DNAH8: variants seen among roughly 807,000 people sequenced by gnomAD.
The protein encoded by DNAH8 is dynein axonemal heavy chain 8, also known as axonemal beta dynein heavy chain 8.
In DNAH8, 382 loss-of-function variants were observed where a neutral mutation model predicts 562.1. The observed-to-expected ratio is 0.68, with a 90% CI of 0.63 to 0.74. The LOEUF (loss-of-function observed/expected upper bound fraction) is 0.74, where lower values mean the gene tolerates loss of function less well. Among genes scored for constraint, DNAH8 ranks in the 30% least tolerant of loss-of-function variants. The pLI, the probability that DNAH8 is intolerant of heterozygous loss-of-function variation, is 0.00. For missense variants in DNAH8, 5,203 were observed against 5,620.4 expected (o/e 0.93, Z 2.37); for synonymous variants, 1,881 against 1,919.4 (o/e 0.98, Z 0.52).
intron 41 of DNAH8, 132 bp from the exon 42 acceptor site, chr6:38,857,386 C>T (rs953857138): frequency 3.2e-6 from 2 of 627,342 alleles, no homozygotes; most frequent in Non-Finnish European, 5.7e-6. Context: ...AACTGTTTCC[C>T]TCCTTTGGGA....
Position 38,924,017 on chromosome 6 carries a change from C to A in DNAH8, c.10817C>A (p.Thr3606Lys). The A allele has an allele frequency of 6.2e-7, 1 of 1,613,942 alleles. No homozygotes were observed. Among genetic ancestry groups the A allele is most frequent in the Non-Finnish European group, 8.5e-7 (1 of 1,179,890 alleles). The change falls in exon 73 of 93, where the codon ACG becomes AAG. Residue 3606 changes from threonine to lysine, a missense_variant. Around this residue, in one of 6 missense-constraint regions of DNAH8, gnomAD observed 1,399 missense variants for 1,518.4 expected, o/e 0.92. Coordinates refer to ENST00000327475, the MANE Select transcript of DNAH8 (RefSeq NM_001206927.2). The part of the protein sequence containing the change: ...NRLVGDILLC[T>K]GFLSYLGPFN... ...CTTGTAGGTGATATTCTGCTGTGCA[C>A]GGGATTCCTTTCCTACCTTGGTCCT... is the stretch of plus-strand genomic sequence containing the variant.
intron 85 of DNAH8, 53 bp from the exon 86 acceptor site, chr6:38,982,293 A>G (rs1764085916): frequency 5.2e-6 from 4 of 761,910 alleles, no homozygotes; most frequent in South Asian, 4.7e-5. Context: ...TTTGATAGCA[A>G]TAAAAATGGA....
Position 38,729,936 on chromosome 6 carries a change from G to A in DNAH8, c.560G>A (p.Gly187Asp). Reference protein sequence around the residue: ...EAFTNFFAKDGCKTLKFLYQE... With the variant: ...EAFTNFFAKDDCKTLKFLYQE... ...TTTACTAATTTTTTTGCGAAAGATG[G>A]TTGTAAGACACTGAAATTTTTGTAC... Residue 187 changes from glycine (G) to aspartate (D), a missense_variant, in exon 4 of 93, where the codon GGT (glycine) becomes GAT (aspartate). Coordinates refer to ENST00000327475, the MANE Select transcript of DNAH8 (RefSeq NM_001206927.2). 1 of 1,600,070 alleles carries A rather than the reference G, an allele frequency of 6.2e-7. No homozygotes were observed. The highest frequency in any genetic ancestry group is 2.2e-5 in the East Asian group (1 of 44,698).
chr6:38,900,378 G>A (rs1328615723), intron 62 of DNAH8, among the ~76,000 whole-genome samples: 1 of 152,166 alleles, frequency 6.6e-6, no homozygotes, highest in Non-Finnish European at 1.5e-5. Flanking sequence ...TTTATCCATT[G>A]TACTCTTGAT....
chr6:38,932,024 G>A (rs778854096), intron 76 of DNAH8, 31 bp downstream of exon 76: 1 of 1,429,100 alleles, frequency 7.0e-7, no homozygotes, highest in Non-Finnish European at 9.3e-7. Context: ...AAGAATTTCT[G>A]CTTATAATAC....
At chr6:38,841,685 C>A (rs1041782599) in intron 33 of DNAH8, among the ~76,000 whole-genome samples, 1 of 151,872 alleles carries the variant, frequency 6.6e-6, no homozygotes, top group South Asian at 2.1e-4. Flanking sequence ...ACCTTTTATT[C>A]TTGTTTTAAA....
At chr6:38,754,551 A>G (rs888454559) in intron 9 of DNAH8, among the ~76,000 whole-genome samples, 1 of 152,134 alleles carries the variant, frequency 6.6e-6, no homozygotes. Context: ...TATTTCTTCC[A>G]TCACCATTAA....
intron 11 of DNAH8, among the ~76,000 whole-genome samples, chr6:38,768,144 G>A (rs1378611128): frequency 3.3e-5 from 5 of 151,938 alleles, no homozygotes; most frequent in African/African-American, 9.7e-5. Context: ...TTTTTGAATT[G>A]GGTTGTTTGG....
intron 74 of DNAH8, chr6:38,928,001 G>A (rs911337633): frequency 6.6e-6 from 1 of 152,138 alleles, no homozygotes; most frequent in African/African-American, 2.4e-5. Context: ...GAAAAACAAA[G>A]CATAGTTTTT....
chr6:38,796,876 G>T (rs867894937), intron 21 of DNAH8, among the ~76,000 whole-genome samples: 2 of 152,234 alleles, frequency 1.3e-5, no homozygotes, highest in South Asian at 4.1e-4. Context: ...GTTCTTGTCT[G>T]CGGCTTGTCC....
chr6:38,938,883 GGCC>G lies in DNAH8; in HGVS notation c.11903_11905del (p.Gly3968_Leu3969delinsVal). The stretch of plus-strand genomic sequence containing the variant: ...TGAAGTTTTTACATACTCTGTCAGA[GGCC>G]TATACGAAAACCACAAATTCCTGTT... On this transcript the variant is annotated inframe_deletion, in exon 79 of 93. Coordinates refer to ENST00000327475, the MANE Select transcript of DNAH8 (RefSeq NM_001206927.2). 6.2e-7 allele frequency: 1 copy of G among 1,613,154 alleles called. No individual in the cohort carries two copies. The highest frequency in any genetic ancestry group is 1.1e-5 in the South Asian group (1 of 91,052).
At chr6:38,756,244 A>G (rs1765897480) in intron 10 of DNAH8, among the ~76,000 whole-genome samples, 165 bp downstream of exon 10, 1 of 152,170 alleles carries the variant, frequency 6.6e-6, no homozygotes, top group African/African-American at 2.4e-5. Flanking sequence ...GTTGTACTTA[A>G]TTGAAGGGAG....
At chr6:38,938,724 G>C in intron 78 of DNAH8, 74 bp from the exon 79 acceptor site, 1 of 1,019,552 alleles carries the variant, frequency 9.8e-7, no homozygotes, top group African/African-American at 1.6e-5. Context: ...ACCTTCATGT[G>C]TACCCCTGAA....
At chr6:38,977,464 G>A (rs1168152168) in intron 85 of DNAH8, among the ~76,000 whole-genome samples, 1 of 152,056 alleles carries the variant, frequency 6.6e-6, no homozygotes, top group Admixed American at 6.5e-5. Flanking sequence ...CAGGACCCTG[G>A]TGTGTGCCTG....
intron 1 of DNAH8, among the ~76,000 whole-genome samples, chr6:38,715,940 ATATATATATATATATATATATT>A (rs1362703583): frequency 7.3e-5 from 1 of 13,776 alleles, no homozygotes; most frequent in South Asian, 3.5e-3. Flanking sequence ...ATATATATAT[ATATATATATATATATATATATT>A]TTTTTTTTTT....
intron 25 of DNAH8, among the ~76,000 whole-genome samples, chr6:38,815,040 T>A (rs1472884511): frequency 6.6e-6 from 1 of 152,174 alleles, no homozygotes; most frequent in African/African-American, 2.4e-5. Context: ...CTTAGCTTAT[T>A]TGGCACATTT....
At chr6:38,792,109 G>C (rs1044022242) in intron 21 of DNAH8, among the ~76,000 whole-genome samples, 2 of 151,760 alleles carry the variant, frequency 1.3e-5, no homozygotes, top group Non-Finnish European at 2.9e-5. Context: ...TTTTTTGAGA[G>C]GAAGTTTCAC....
intron 47 of DNAH8, 53 bp from the exon 48 acceptor site, chr6:38,868,009 C>G (rs1777186532): frequency 1.3e-6 from 2 of 1,568,058 alleles, no homozygotes; most frequent in South Asian, 2.4e-5. Context: ...AGCCGTGAGT[C>G]TATGTTTAGT....
At chr6:38,826,029 C>T in intron 28 of DNAH8, 127 bp from the exon 29 acceptor site, 1 of 611,344 alleles carries the variant, frequency 1.6e-6, no homozygotes, top group Non-Finnish European at 2.9e-6. Context: ...TCATACTAAC[C>T]ACATTTCAAG....
Sources: allele counts gnomAD v4.1 joint callset (sites outside exome capture counted in the v4.1 genomes callset), GRCh38; gene constraint gnomAD v4.1.1; regional missense constraint gnomAD v4.1.1; transcripts MANE v1.5; gene names NCBI Gene and HGNC (gene_info 2026-07-23, HGNC 2026-07-21).